The following ABCA3 variants were observed in gnomAD, a reference collection of about 807,000 sequenced individuals.
ABCA3 encodes the protein phospholipid-transporting ATPase ABCA3.
A neutral mutation model predicts 172.8 loss-of-function variants in ABCA3; 88 were observed. That is an observed-to-expected ratio of 0.51 (90% CI 0.43 to 0.61). The LOEUF is 0.61. Ranked by LOEUF, ABCA3 falls within the 20% of genes least tolerant of loss-of-function variation. The probability of loss-of-function intolerance (pLI) is 0.00; values close to 1 mark genes in which losing one functional copy is unlikely to be tolerated. For synonymous variants in ABCA3, 1,066 were observed against 983.8 expected, an observed-to-expected ratio of 1.08 and a Z score of -1.56; for missense variants, 2,164 against 2,301.0, an observed-to-expected ratio of 0.94 and a Z score of 1.22.
rs2093668695 is a variant in ABCA3 at position 2,289,600 on chromosome 16, C to T, written c.2534G>A (p.Ser845Asn). Residue 845 changes from serine (S) to asparagine (N), a missense_variant, in exon 20 of 33, where the codon AGC (serine) becomes AAC (asparagine). Transcript: ENST00000301732. Reference sequence around the variant, plus strand: ...CTGGATGGCCTGGATGTCCATACTGCTGTCCACCAGCTTCCCGACCCTGTG... The same window carrying T: ...CTGGATGGCCTGGATGTCCATACTGTTGTCCACCAGCTTCCCGACCCTGTG... ...VFLRVGKLVD[S>N]SMDIQAIQLP... The T allele has an allele frequency of 1.9e-6, 3 of 1,553,328 alleles. No homozygotes were observed. Among genetic ancestry groups the T allele is most frequent in the South Asian group, 1.2e-5 (1 of 84,260 alleles).
At chr16:2,327,652 T>C (rs2093736503) in intron 3 of ABCA3, among the ~76,000 whole-genome samples, 1 of 152,194 alleles carries the variant, frequency 6.6e-6, no homozygotes, top group Non-Finnish European at 1.5e-5. Context: ...AAAGACCGGC[T>C]TTTCCTGTTG....
In ABCA3 at chr16:2,277,717, T is replaced by C. The variant is rs528259781; in HGVS notation, c.4910-47A>G. 6.8e-6 allele frequency: 11 copies of C among 1,610,040 alleles called. No individual in the cohort carries two copies. In the East Asian group the frequency reaches 2.5e-4, roughly 36 times the overall value. On this transcript the variant is annotated intron_variant, in intron 31 of 32. Transcript: ENST00000301732. This position sits in a 1 kb window ranked among gnomAD's most constrained non-coding sequence, Gnocchi z 5.3. ...TTGCTGTGAGCGCCGGGCTGGAGGATCGGGGAGGGTGCCTGGGTGCTCAGC... is the reference window on the plus strand; with the variant it reads ...TTGCTGTGAGCGCCGGGCTGGAGGACCGGGGAGGGTGCCTGGGTGCTCAGC...
chr16:2,299,337 C>A (rs2093685202), intron 14 of ABCA3, 66 bp downstream of exon 14: 3 of 1,602,190 alleles, frequency 1.9e-6, no homozygotes, highest in Non-Finnish European at 1.7e-6. Context: ...TGAGGCGGGG[C>A]TGGCGCTGAG....
At chr16:2,322,237 C>A (rs1019275230) in intron 7 of ABCA3, among the ~76,000 whole-genome samples, 1 of 151,464 alleles carries the variant, frequency 6.6e-6, no homozygotes, top group African/African-American at 2.4e-5. Flanking sequence ...ACAAATGTTT[C>A]ATTCAAGAGC....
chr16:2,334,112 G>A (rs2093747757), intron 1 of ABCA3, among the ~76,000 whole-genome samples: 1 of 152,174 alleles, frequency 6.6e-6, no homozygotes, highest in Admixed American at 6.6e-5. Context: ...AATTAATTGC[G>A]TGTGTGAGAC....
intron 12 of ABCA3, among the ~76,000 whole-genome samples, chr16:2,303,052 G>A (rs2093691978): frequency 6.6e-6 from 1 of 151,908 alleles, no homozygotes; most frequent in Non-Finnish European, 1.5e-5. Context: ...ACCCATCTTG[G>A]CCTCCCAAAG....
Position 2,298,441 on chromosome 16 carries a change from T to C in ABCA3, c.1841A>G (p.His614Arg), listed in dbSNP as rs574834816. 6.2e-7 allele frequency: 1 copy of C among 1,614,116 alleles called. No homozygotes were observed. The highest frequency in any genetic ancestry group is 1.3e-5 in the African/African-American group (1 of 75,060). ...TGTCAAGTTGTCAAACAGGATGTCG[T>C]GCTGCGGGCACAGGCCCAGGCTCTT... The part of the protein sequence containing the change: ...IRKSLGLCPQ[H>R]DILFDNLTVA... The change falls in exon 15 of 33, where the codon CAC becomes CGC. Residue 614 changes from histidine (H) to arginine (R), a missense_variant. This residue lies in a region of ABCA3 where 1,343 missense variants were observed against 1,369.6 expected (regional missense o/e 0.98). Coordinates refer to ENST00000301732, the MANE Select transcript of ABCA3 (RefSeq NM_001089.3).
chr16:2,337,424 A>G (rs1364756098), intron 1 of ABCA3, among the ~76,000 whole-genome samples: 1 of 149,216 alleles, frequency 6.7e-6, no homozygotes, highest in Non-Finnish European at 1.5e-5. Context: ...AGGCTGGAGT[A>G]TAGATAGTGG....
chr16:2,285,427 C>T lies in ABCA3; in HGVS notation c.3483+15G>A, dbSNP rs373729203. ...GGTCTGCAGGGGAACGGATCCAGCA[C>T]CCTCCGGCGCTCACCAGCAGCAGCA... On this transcript the variant is annotated intron_variant, in intron 23 of 32. Transcript: ENST00000301732. This position sits in a 1 kb window ranked among gnomAD's most constrained non-coding sequence, Gnocchi z 4.7. 50 of 1,599,230 alleles carry T rather than the reference C, an allele frequency of 3.1e-5. No homozygotes were observed. The African/African-American group carries it at 4.9e-4, about 16-fold the overall frequency.
intron 8 of ABCA3, among the ~76,000 whole-genome samples, chr16:2,319,031 T>C (rs2093721288): frequency 6.6e-6 from 1 of 152,082 alleles, no homozygotes; most frequent in Non-Finnish European, 1.5e-5. Context: ...GAAAGTTATT[T>C]ATGGCACCAA....
rs2093665164 is a variant in ABCA3 at position 2,287,679 on chromosome 16, GCT to G, written c.3004+345_3004+346del. Among the ~76,000 whole-genome samples, 2 of 152,220 alleles carry G rather than the reference GCT, an allele frequency of 1.3e-5. No homozygotes were observed. Among genetic ancestry groups the G allele is most frequent in the African/African-American group, 2.4e-5 (1 of 41,448 alleles). On this transcript the variant is annotated intron_variant, in intron 21 of 32. Transcript: ENST00000301732. This position sits in a 1 kb window ranked among gnomAD's most constrained non-coding sequence, Gnocchi z 4.1. ...AGCAAAGGTAACTTGAAGTCACTAT[GCT>G]TCTGCATTTTGCCCATGAATGATCC...
In ABCA3 at chr16:2,299,397, C is replaced by T. The variant is rs1212371624; in HGVS notation, c.1741+6G>A. 3 of 1,613,346 alleles carry T rather than the reference C, an allele frequency of 1.9e-6. No homozygotes were observed. The highest frequency in any genetic ancestry group is 1.3e-5 in the African/African-American group (1 of 74,900). On this transcript the variant is annotated splice_donor_region_variant and intron_variant, in intron 14 of 32. Coordinates refer to ENST00000301732, the MANE Select transcript of ABCA3 (RefSeq NM_001089.3). ...GTGGCAGGGGCGTGAGGCGCCTGGC[C>T]CTCACCTGTGAGCATGGAGAGGGTG...
intron 3 of ABCA3, among the ~76,000 whole-genome samples, chr16:2,327,155 C>T (rs1275555125): frequency 6.6e-6 from 1 of 152,080 alleles, no homozygotes; most frequent in Non-Finnish European, 1.5e-5. Flanking sequence ...TGCTCTGTTG[C>T]CCAGGCTGGA....
chr16:2,332,770 T>C, intron 1 of ABCA3: 3 of 879,412 alleles, frequency 3.4e-6, no homozygotes, highest in Admixed American at 2.2e-5. Flanking sequence ...GCAGGTATTT[T>C]TGTGTGCACC....
chr16:2,319,474 G>C (rs1272132754), intron 8 of ABCA3, 107 bp downstream of exon 8: 95 of 1,384,608 alleles, frequency 6.9e-5, no homozygotes, highest in Non-Finnish European at 8.5e-5. Flanking sequence ...GACAGAGCGA[G>C]ACTCCAACTC....
intron 10 of ABCA3, among the ~76,000 whole-genome samples, chr16:2,311,253 T>G (rs924421212): frequency 2.0e-5 from 3 of 152,146 alleles, no homozygotes; most frequent in African/African-American, 7.2e-5. Context: ...ATTACAGGCG[T>G]GAGCCACCGC....
Position 2,285,361 on chromosome 16 carries a change from G to T in ABCA3, c.3483+81C>A. ...CTGCCGGCCTAGGGGCTGCCCAGCT[G>T]GTTCCGGTTCTGCACAGGGGTCCCA... On this transcript the variant is annotated intron_variant, in intron 23 of 32. Transcript: ENST00000301732. This position sits in a 1 kb window ranked among gnomAD's most constrained non-coding sequence, Gnocchi z 4.7. 6.6e-7 allele frequency: 1 copy of T among 1,511,472 alleles called. No homozygotes were observed. Among genetic ancestry groups the T allele is most frequent in the Non-Finnish European group, 9.0e-7 (1 of 1,116,326 alleles). The allele number at this position is 1,511,472 out of a possible 1,614,324, so 93.6% of individuals were successfully genotyped here. A position where few individuals can be genotyped will look rare whatever the true frequency, so the allele number is the denominator to read the frequency against.
Position 2,276,700 on chromosome 16 carries a change from G to A in ABCA3, c.5089C>T (p.Pro1697Ser), listed in dbSNP as rs776589840. Residue 1697 changes from proline (P) to serine (S), a missense_variant, in exon 33 of 33, where the codon CCG becomes TCG. By Grantham distance (74) the Pro-to-Ser change is moderately conservative (BLOSUM62 -1). Coordinates refer to ENST00000301732, the MANE Select transcript of ABCA3 (RefSeq NM_001089.3). ...CATCGCCCCTCCTCTGCGGTGGGCG[G>A]CTGCAGGTGGGCGAAGCTCAGGAAG... ...QVFLSFAHLQ[P>S]PTAEEGR 1.9e-6 allele frequency: 3 copies of A among 1,613,630 alleles called. No homozygotes were observed. The East Asian group carries it at 6.7e-5, about 36-fold the overall frequency.
Position 2,323,553 on chromosome 16 carries a change from C to G in ABCA3, c.583G>C (p.Glu195Gln). ...TCTCCGCCATCAGGGGATGTAGGTT[C>G]CCTTGGTCCTGGGTTTGGGAAAAGC... ...FPLFPNPGPR[E>Q]PTSPDGGEPG... The change falls in exon 7 of 33, where the codon GAA (glutamate) becomes CAA (glutamine). Residue 195 changes from glutamate to glutamine, a missense_variant. Transcript: ENST00000301732. The G allele has an allele frequency of 6.2e-7, 1 of 1,614,164 alleles. No individual in the cohort carries two copies. Among genetic ancestry groups the G allele is most frequent in the Non-Finnish European group, 8.5e-7 (1 of 1,180,020 alleles).
Sources: gnomAD v4.1 joint callset for allele counts (sites outside exome capture counted in the v4.1 genomes callset) on GRCh38, gnomAD v4.1.1 for gene constraint, gnomAD v4.1.1 regional missense constraint, Gnocchi (gnomAD v3.1) non-coding constraint, MANE v1.5 for transcripts, NCBI Gene and HGNC (gene_info 2026-07-23, HGNC 2026-07-21) for gene names.